Variants in SEMA3D observed in about 807,000 individuals in gnomAD.
SEMA3D encodes semaphorin-3D.
A neutral mutation model predicts 100.1 loss-of-function variants in SEMA3D; 84 were observed. That is an observed-to-expected ratio of 0.84 (90% CI 0.70 to 1.01). The LOEUF (loss-of-function observed/expected upper bound fraction) is 1.01. SEMA3D is among the 50% of genes least tolerant of loss of function. SEMA3D has a pLI of 0.00. For synonymous variants in SEMA3D, 312 were observed against 320.7 expected (o/e 0.97, Z 0.29); for missense variants, 875 against 934.1 (o/e 0.94, Z 0.82).
At chr7:85,213,714 C>T in the SEMA3D span, among the ~76,000 whole-genome samples, 1 of 151,066 alleles carries the variant, frequency 6.6e-6, no homozygotes. Context: ...AAACTGCTAT[C>T]TCTTTAATCA....
Position 85,147,092 on chromosome 7 carries a change from C to CTTTTTTTTTTTTTTTTTTTTTT in SEMA3D, c.-41+6494_-41+6515dup, listed in dbSNP as rs752922884. Among the ~76,000 whole-genome samples the CTTTTTTTTTTTTTTTTTTTTTT allele has an allele frequency of 1.4e-3, 66 of 48,154 alleles. 10 individuals carry two copies. Among genetic ancestry groups the CTTTTTTTTTTTTTTTTTTTTTT allele is most frequent in the African/African-American group, 2.6e-3 (27 of 10,288 alleles). 31.6% of individuals were successfully genotyped at this position (48,154 alleles called of 152,430 possible). ...TCTTTCTTTCTTTTCTTTTTCTTTT[C>CTTTTTTTTTTTTTTTTTTTTTT]TTTTTTTTTTTTTTTTTTTTTTTTT... On this transcript the variant is annotated intron_variant, in intron 2 of 18. Coordinates refer to ENST00000284136, the MANE Select transcript of SEMA3D (RefSeq NM_001384900.1).
rs146038422 is a variant in SEMA3D at position 85,118,502 on chromosome 7, G to A, written c.151+3239C>T. On this transcript the variant is annotated intron_variant, in intron 3 of 18. Transcript: ENST00000284136. ...TTAAAAATTGTTGAGATTTTTTTCT[G>A]GCAGATATTGAGTTTACTGGAAGAT... Among the ~76,000 whole-genome samples the A allele has an allele frequency of 2.6e-3, 396 of 151,918 alleles. 3 individuals carry two copies. Among genetic ancestry groups the A allele is most frequent in the Middle Eastern group, 0.017 (5 of 294 alleles).
At chr7:85,084,042 G>A (rs1048986602) in intron 4 of SEMA3D, among the ~76,000 whole-genome samples, 9 of 151,026 alleles carry the variant, frequency 6.0e-5, no homozygotes, top group African/African-American at 2.0e-4. Context: ...AGCTACTTGG[G>A]AGGCTGAGGC....
chr7:85,151,890 T>A (rs564655502), intron 2 of SEMA3D: 13 of 198,952 alleles, frequency 6.5e-5, no homozygotes, highest in East Asian at 1.9e-4. Flanking sequence ...TCCACAAAAC[T>A]TTTTTGCAAA....
At chr7:85,068,814 T>C (rs1340726264) in intron 6 of SEMA3D, among the ~76,000 whole-genome samples, 4 of 152,156 alleles carry the variant, frequency 2.6e-5, no homozygotes, top group Non-Finnish European at 5.9e-5. Context: ...TTTCAAGTTG[T>C]TGATACATCT....
At chr7:85,105,098 G>T (rs927734675) in intron 3 of SEMA3D, among the ~76,000 whole-genome samples, 3 of 151,980 alleles carry the variant, frequency 2.0e-5, no homozygotes, top group African/African-American at 7.2e-5. Flanking sequence ...CTTTAGTATA[G>T]TCAGATCTCC....
intron 4 of SEMA3D, among the ~76,000 whole-genome samples, chr7:85,087,133 G>T (rs1788242409): frequency 6.6e-6 from 1 of 152,170 alleles, no homozygotes; most frequent in South Asian, 2.1e-4. Flanking sequence ...CAAAGCACAT[G>T]GCCCTGTTTC....
chr7:85,225,912 T>A, the SEMA3D span, among the ~76,000 whole-genome samples: 1 of 152,200 alleles, frequency 6.6e-6, no homozygotes, highest in Admixed American at 6.5e-5. Flanking sequence ...CTTGAAAGTT[T>A]TACATACTAT....
intron 8 of SEMA3D, among the ~76,000 whole-genome samples, chr7:85,063,758 C>T (rs1265275608): frequency 2.0e-5 from 3 of 152,074 alleles, no homozygotes; most frequent in Non-Finnish European, 4.4e-5. Flanking sequence ...TTTAGAAAAA[C>T]AAAATTCTGA....
intron 2 of SEMA3D, chr7:85,141,705 T>C: frequency 1.1e-6 from 1 of 934,884 alleles, no homozygotes; most frequent in Non-Finnish European, 1.3e-6. Context: ...TAAATTAATG[T>C]TTATTTAGTA....
chr7:85,038,412 C>T (rs1397501465), intron 11 of SEMA3D, among the ~76,000 whole-genome samples: 1 of 152,134 alleles, frequency 6.6e-6, no homozygotes, highest in East Asian at 1.9e-4. Context: ...GGTATGATGC[C>T]TCATGCTTAA....
At chr7:85,123,041 G>A (rs1789471925) in intron 2 of SEMA3D, among the ~76,000 whole-genome samples, 2 of 152,100 alleles carry the variant, frequency 1.3e-5, no homozygotes, top group Admixed American at 6.6e-5. Flanking sequence ...CAGCCATTAA[G>A]GGTGGGTAAT....
chr7:85,037,095 G>C, intron 11 of SEMA3D, 62 bp from the exon 12 acceptor site: 1 of 1,530,548 alleles, frequency 6.5e-7, no homozygotes, highest in Non-Finnish European at 8.9e-7. Context: ...CATTGACTGA[G>C]CACATACTAT....
At chr7:85,113,940 A>G (rs1229203915) in intron 3 of SEMA3D, among the ~76,000 whole-genome samples, 2 of 152,276 alleles carry the variant, frequency 1.3e-5, no homozygotes, top group East Asian at 3.9e-4. Context: ...TTTTATGCCC[A>G]TAAAAGTTAA....
At chr7:85,061,581 C>G (rs560582922) in intron 8 of SEMA3D, among the ~76,000 whole-genome samples, 1 of 152,316 alleles carries the variant, frequency 6.6e-6, no homozygotes, top group South Asian at 2.1e-4. Flanking sequence ...TGACTCCAGA[C>G]AGATGACTCC....
chr7:85,224,216 A>C, the SEMA3D span, among the ~76,000 whole-genome samples: 3 of 152,156 alleles, frequency 2.0e-5, no homozygotes, highest in South Asian at 6.2e-4. Context: ...CGAATATTAG[A>C]GCTTGAAGGA....
chr7:85,047,153 T>C (rs2116025532), intron 9 of SEMA3D, among the ~76,000 whole-genome samples: 1 of 151,324 alleles, frequency 6.6e-6, no homozygotes, highest in South Asian at 2.1e-4. Flanking sequence ...AATGATTAAT[T>C]AAAAAAAGAA....
the SEMA3D span, among the ~76,000 whole-genome samples, chr7:85,239,964 T>C: frequency 9.0e-4 from 137 of 152,312 alleles, no homozygotes; most frequent in Non-Finnish European, 1.6e-3. Flanking sequence ...TCTACAAAGA[T>C]AGTTTTATTT....
At chr7:85,156,669 C>A (rs989905568) in intron 1 of SEMA3D, among the ~76,000 whole-genome samples, 1 of 152,038 alleles carries the variant, frequency 6.6e-6, no homozygotes, top group African/African-American at 2.4e-5. Context: ...AAGTCATCAT[C>A]AATAGGCCAT....
Sources: allele counts gnomAD v4.1 joint callset (sites outside exome capture counted in the v4.1 genomes callset), GRCh38; gene constraint gnomAD v4.1.1; transcripts MANE v1.5; gene names NCBI Gene and HGNC (gene_info 2026-07-23, HGNC 2026-07-21).